Variants in TTC23 observed in about 807,000 individuals in gnomAD.
The protein encoded by TTC23 is tetratricopeptide repeat protein 23.
TTC23 carries 58 observed loss-of-function variants against 55.1 expected under a neutral mutation model. The observed-to-expected ratio is 1.05, with a 90% CI of 0.85 to 1.31. The LOEUF is 1.31. Among genes scored for constraint, TTC23 ranks in the 50% most tolerant of loss-of-function variants. The pLI is 0.00. For synonymous variants in TTC23, 203 were observed against 199.9 expected, an observed-to-expected ratio of 1.02 and a Z score of -0.13; for missense variants, 516 against 534.4, an observed-to-expected ratio of 0.97 and a Z score of 0.34.
At chr15:99,206,492 T>C (rs1017574792) in intron 8 of TTC23, among the ~76,000 whole-genome samples, 5 of 152,186 alleles carry the variant, frequency 3.3e-5, no homozygotes, top group Admixed American at 6.5e-5. Context: ...TTGTTACTTA[T>C]TGGTTTATTC....
At chr15:99,203,037 C>G (rs1269504818) in intron 8 of TTC23, among the ~76,000 whole-genome samples, 1 of 152,154 alleles carries the variant, frequency 6.6e-6, no homozygotes, top group Non-Finnish European at 1.5e-5. Context: ...AGTTTGTTCC[C>G]ATGTTGAAAT....
chr15:99,190,305 C>T (rs1239221409), intron 9 of TTC23, among the ~76,000 whole-genome samples: 1 of 142,592 alleles, frequency 7.0e-6, no homozygotes, highest in Non-Finnish European at 1.5e-5. Context: ...TGGAGTCTTG[C>T]TCTGTCACCC....
intron 10 of TTC23, among the ~76,000 whole-genome samples, chr15:99,163,960 A>G (rs1472113973): frequency 1.3e-5 from 2 of 152,188 alleles, no homozygotes; most frequent in African/African-American, 2.4e-5. Context: ...ACAGCCAGGA[A>G]TCTCTAAAAT....
chr15:99,190,328 A>C (rs1168114518), intron 9 of TTC23, among the ~76,000 whole-genome samples: 1 of 147,040 alleles, frequency 6.8e-6, no homozygotes, highest in African/African-American at 2.5e-5. Flanking sequence ...GCTGGAGTGC[A>C]GTGATGTGAT....
At chr15:99,146,348 T>C (rs2068856812) in intron 12 of TTC23, among the ~76,000 whole-genome samples, 1 of 152,302 alleles carries the variant, frequency 6.6e-6, no homozygotes, top group South Asian at 2.1e-4. Flanking sequence ...CTTGGCAAAT[T>C]TCCCTATTAC....
At chr15:99,206,646 A>G (rs2076651587) in intron 8 of TTC23, among the ~76,000 whole-genome samples, 1 of 152,104 alleles carries the variant, frequency 6.6e-6, no homozygotes, top group Non-Finnish European at 1.5e-5. Context: ...TTTCTGTGGT[A>G]GCAGTTGTAT....
chr15:99,182,182 C>G (rs2074188645), intron 9 of TTC23, among the ~76,000 whole-genome samples: 2 of 151,936 alleles, frequency 1.3e-5, no homozygotes, highest in South Asian at 4.2e-4. Context: ...TCTCCCCATT[C>G]CCAGGCTTAC....
At chr15:99,148,693 T>C (rs1215873177) in intron 12 of TTC23, 1 of 152,230 alleles carries the variant, frequency 6.6e-6, no homozygotes, top group Non-Finnish European at 1.5e-5. Context: ...TCAGGAATTC[T>C]TTCTGCAGCC....
intron 12 of TTC23, among the ~76,000 whole-genome samples, chr15:99,141,723 C>T (rs1317892954): frequency 6.6e-6 from 1 of 152,138 alleles, no homozygotes; most frequent in African/African-American, 2.4e-5. Flanking sequence ...ATGCCTTTGT[C>T]TTTATAAGCT....
At chr15:99,174,501 C>T (rs1471990491) in intron 10 of TTC23, among the ~76,000 whole-genome samples, 1 of 151,432 alleles carries the variant, frequency 6.6e-6, no homozygotes, top group Non-Finnish European at 1.5e-5. Flanking sequence ...GTGTTTTCTG[C>T]CAACGGAGGC....
At chr15:99,185,729 T>C (rs903174049) in intron 9 of TTC23, among the ~76,000 whole-genome samples, 3 of 152,208 alleles carry the variant, frequency 2.0e-5, no homozygotes, top group Non-Finnish European at 4.4e-5. Context: ...ATCAGGAGTT[T>C]CAGAAACAAT....
At chr15:99,174,777 A>G (rs2073351289) in intron 10 of TTC23, among the ~76,000 whole-genome samples, 1 of 152,246 alleles carries the variant, frequency 6.6e-6, no homozygotes, top group Non-Finnish European at 1.5e-5. Flanking sequence ...AGCCCAGTAC[A>G]GATGCTCTGG....
intron 9 of TTC23, among the ~76,000 whole-genome samples, chr15:99,195,867 T>TA (rs35219461): frequency 7.6e-4 from 110 of 143,890 alleles, no homozygotes; most frequent in Non-Finnish European, 9.8e-4. Flanking sequence ...CTAAAACTGC[T>TA]AAAAAAAAAA....
intron 12 of TTC23, among the ~76,000 whole-genome samples, chr15:99,152,112 G>A (rs2069847689): frequency 6.6e-6 from 1 of 152,168 alleles, no homozygotes; most frequent in East Asian, 1.9e-4. Context: ...TATCCTCTTA[G>A]TGCTGTCCTC....
At chr15:99,241,192 G>A (rs918369121) in intron 3 of TTC23, among the ~76,000 whole-genome samples, 173 bp downstream of exon 3, 4 of 152,082 alleles carry the variant, frequency 2.6e-5, no homozygotes, top group Non-Finnish European at 4.4e-5. Context: ...GCACACACCT[G>A]GTAATCCCAG....
intron 4 of TTC23, among the ~76,000 whole-genome samples, chr15:99,230,704 ACTT>A (rs1174904271): frequency 6.6e-6 from 1 of 152,220 alleles, no homozygotes; most frequent in Non-Finnish European, 1.5e-5. Context: ...AGTTAAAGAT[ACTT>A]CTTATCTTTA....
At chr15:99,201,364 T>A (rs1430545127) in intron 8 of TTC23, among the ~76,000 whole-genome samples, 1 of 152,136 alleles carries the variant, frequency 6.6e-6, no homozygotes, top group African/African-American at 2.4e-5. Flanking sequence ...TGGAAAAATT[T>A]TATGTGCAAA....
chr15:99,231,466 C>G (rs2078927262), intron 4 of TTC23, among the ~76,000 whole-genome samples: 1 of 152,122 alleles, frequency 6.6e-6, no homozygotes, highest in South Asian at 2.1e-4. Flanking sequence ...ACTGTGTAGA[C>G]CTACATTAAT....
chr15:99,181,006 G>T (rs2074059900), intron 9 of TTC23, among the ~76,000 whole-genome samples: 1 of 151,740 alleles, frequency 6.6e-6, no homozygotes, highest in African/African-American at 2.4e-5. Flanking sequence ...GGTACTAAAT[G>T]AATTTTACCA....
Sources: gnomAD v4.1 joint callset for allele counts (sites outside exome capture counted in the v4.1 genomes callset) on GRCh38, gnomAD v4.1.1 for gene constraint, MANE v1.5 for transcripts, NCBI Gene and HGNC (gene_info 2026-07-23, HGNC 2026-07-21) for gene names.